AP3B2: variants seen among roughly 807,000 people sequenced by gnomAD.
AP3B2 encodes the protein AP-3 complex subunit beta-2.
AP3B2 carries 50 observed loss-of-function variants against 126.9 expected under a neutral mutation model. The observed-to-expected ratio is 0.39, with a 90% confidence interval of 0.31 to 0.50. AP3B2 has a LOEUF of 0.50. AP3B2 is among the 20% of genes least tolerant of loss of function. The probability of loss-of-function intolerance (pLI) is 0.79; values close to 1 mark genes in which losing one functional copy is unlikely to be tolerated. For missense variants in AP3B2, 1,177 were observed against 1,426.4 expected, an observed-to-expected ratio of 0.83 and a Z score of 2.82; for synonymous variants, 541 against 565.0, an observed-to-expected ratio of 0.96 and a Z score of 0.60.
At chr15:82,677,225 C>T (rs755029652) in intron 13 of AP3B2, 49 bp downstream of exon 13, 1 of 1,440,976 alleles carries the variant, frequency 6.9e-7, no homozygotes, top group East Asian at 2.3e-5. Context: ...GTCTTGAAAT[C>T]ATGGGGAGGA....
In AP3B2 at chr15:82,664,110, AG is replaced by A. The variant is rs1276221298; in HGVS notation, c.2262-136del. ...GGAGGGTTCACACCTGAGGTCCTAT[AG>A]CAGGGACCCCGTGAGAGCTTGAAGC... On this transcript the variant is annotated intron_variant, in intron 19 of 26. Coordinates refer to ENST00000535359, the MANE Select transcript of AP3B2 (RefSeq NM_001278512.2). The surrounding 1 kb of genome is among the most constrained non-coding windows in gnomAD (Gnocchi z 4.5). The A allele has an allele frequency of 6.4e-6, 9 of 1,405,538 alleles. No homozygotes were observed. In the Admixed American group the frequency reaches 2.4e-4, roughly 37 times the overall value. 87.1% of individuals were successfully genotyped at this position (1,405,538 alleles called of 1,614,324 possible).
chr15:82,703,140 A>G (rs2151461719), intron 1 of AP3B2, among the ~76,000 whole-genome samples: 1 of 152,182 alleles, frequency 6.6e-6, no homozygotes, highest in African/African-American at 2.4e-5. Flanking sequence ...GTGTTTAATC[A>G]CTGCGGGGAC....
Position 82,692,059 on chromosome 15 carries a change from G to A in AP3B2, c.114-2606C>T, listed in dbSNP as rs547939605. ...TCCTGAAACAAGAACTCGGAAATCAGATCTTCTTGCAGAAGGCCCATTCCT... is the reference window on the plus strand; with the variant it reads ...TCCTGAAACAAGAACTCGGAAATCAAATCTTCTTGCAGAAGGCCCATTCCT... On this transcript the variant is annotated intron_variant, in intron 1 of 26. Coordinates refer to ENST00000535359, the MANE Select transcript of AP3B2 (RefSeq NM_001278512.2). 9.4e-6 allele frequency: 14 copies of A among 1,489,598 alleles called. No individual in the cohort carries two copies. In the East Asian group the frequency reaches 2.7e-4, roughly 29 times the overall value. The allele number at this position is 1,489,598 out of a possible 1,614,324, so 92.3% of individuals were successfully genotyped here.
chr15:82,662,774 G>C lies in AP3B2; in HGVS notation c.2753C>G (p.Ser918Cys). The C allele has an allele frequency of 1.2e-6, 2 of 1,613,862 alleles. No individual in the cohort carries two copies. Among genetic ancestry groups the C allele is most frequent in the Non-Finnish European group, 1.7e-6 (2 of 1,179,830 alleles). ...VSVHIHFSNSSDTPIKGLHVG... is the reference protein window; with the variant it reads ...VSVHIHFSNSCDTPIKGLHVG... Reference sequence around the variant, plus strand: ...ATGCAGGCCCTTGATGGGGGTATCAGAGCTGTTGGAGAAGTGGATGTGCAC... The same window carrying C: ...ATGCAGGCCCTTGATGGGGGTATCACAGCTGTTGGAGAAGTGGATGTGCAC... Residue 918 changes from serine (S) to cysteine (C), a missense_variant, in exon 23 of 27, where the codon TCT becomes TGT. By Grantham distance (112) the Ser-to-Cys change is moderately radical (BLOSUM62 -1). This residue lies in a region of AP3B2 where 587 missense variants were observed against 571.3 expected (regional missense o/e 1.03). Coordinates refer to ENST00000535359, the MANE Select transcript of AP3B2 (RefSeq NM_001278512.2).
intron 20 of AP3B2, 37 bp downstream of exon 20, chr15:82,663,764 C>T (rs765439454): frequency 6.2e-6 from 10 of 1,601,892 alleles, no homozygotes; most frequent in Non-Finnish European, 8.5e-6. Flanking sequence ...GGGCCCTGGC[C>T]CATGAGCACA....
intron 1 of AP3B2, among the ~76,000 whole-genome samples, chr15:82,707,243 T>C (rs1479621758): frequency 6.6e-6 from 1 of 152,206 alleles, no homozygotes; most frequent in Admixed American, 6.5e-5. Context: ...CTAATGGTCT[T>C]TTAAAAACAC....
At chr15:82,686,177 T>C (rs2048423088) in intron 4 of AP3B2, 1 of 152,104 alleles carries the variant, frequency 6.6e-6, no homozygotes, top group South Asian at 2.1e-4. Context: ...TAAAATGAAA[T>C]AGAGTAGGGT....
intron 14 of AP3B2, 144 bp downstream of exon 14, chr15:82,676,317 T>C (rs1475225952): frequency 3.8e-6 from 3 of 799,950 alleles, no homozygotes; most frequent in Non-Finnish European, 3.9e-6. Context: ...GCATTGGTTA[T>C]GTGGGCAGAC....
chr15:82,693,993 G>A (rs1369398473), intron 1 of AP3B2, among the ~76,000 whole-genome samples: 1 of 150,618 alleles, frequency 6.6e-6, no homozygotes, highest in South Asian at 2.1e-4. Context: ...GAGCCACTGC[G>A]CCCAGGCCTT....
chr15:82,671,011 G>A (rs1179870745), intron 14 of AP3B2, among the ~76,000 whole-genome samples: 3 of 152,098 alleles, frequency 2.0e-5, no homozygotes, highest in South Asian at 4.1e-4. Flanking sequence ...GGCCAGGCAC[G>A]GGTGGCTCAT....
At chr15:82,696,569 C>T (rs994033354) in intron 1 of AP3B2, among the ~76,000 whole-genome samples, 1 of 152,252 alleles carries the variant, frequency 6.6e-6, no homozygotes, top group African/African-American at 2.4e-5. Flanking sequence ...CAGAGTGAGA[C>T]TCCATCTCAA....
At chr15:82,698,345 C>A (rs2048662456) in intron 1 of AP3B2, among the ~76,000 whole-genome samples, 1 of 151,864 alleles carries the variant, frequency 6.6e-6, no homozygotes, top group African/African-American at 2.4e-5. Flanking sequence ...CAGACATATA[C>A]CACCAGGAGA....
At chr15:82,682,611 G>C (rs945516768) in intron 4 of AP3B2, among the ~76,000 whole-genome samples, 4 of 151,940 alleles carry the variant, frequency 2.6e-5, no homozygotes, top group African/African-American at 9.7e-5. Context: ...AGCTGCTTGG[G>C]AAGCTGAAGT....
intron 1 of AP3B2, chr15:82,708,984 G>C (rs185712311): frequency 6.6e-6 from 1 of 152,410 alleles, no homozygotes; most frequent in African/African-American, 2.4e-5. Flanking sequence ...GCTTGTTGCA[G>C]AATTTACGAA....
intron 15 of AP3B2, 132 bp downstream of exon 15, chr15:82,666,615 A>C (rs995722414): frequency 1.0e-6 from 1 of 962,498 alleles, no homozygotes; most frequent in Non-Finnish European, 1.5e-6. Flanking sequence ...GGACAAAAGG[A>C]GTGAGCCAGG....
rs1338746691 is a variant in AP3B2, at chr15:82,665,607, C to T, written c.1853-32G>A. 1 of 1,550,068 alleles carries T rather than the reference C, an allele frequency of 6.5e-7. No homozygotes were observed. The highest frequency in any genetic ancestry group is 1.7e-5 in the Admixed American group (1 of 59,242). On this transcript the variant is annotated intron_variant, in intron 15 of 26. Transcript: ENST00000535359. The surrounding 1 kb of genome is among the most constrained non-coding windows in gnomAD (Gnocchi z 4.4). ...ATAGGTTTAGAGGTCAGGCAGGTAG[C>T]AGCAGTGAGGGAAAGCTCTGGGAGC...
chr15:82,690,878 G>C (rs1262271298), intron 1 of AP3B2, among the ~76,000 whole-genome samples: 1 of 139,710 alleles, frequency 7.2e-6, no homozygotes, highest in African/African-American at 2.6e-5. Flanking sequence ...GGATGGTCTC[G>C]ATCTCCTGAC....
Position 82,665,690 on chromosome 15 carries a change from G to A in AP3B2, c.1853-115C>T. 1.3e-6 allele frequency: 1 copy of A among 748,062 alleles called. No individual in the cohort carries two copies. Among genetic ancestry groups the A allele is most frequent in the East Asian group, 2.5e-5 (1 of 39,240 alleles). The allele number at this position is 748,062 out of a possible 1,614,324, so 46.3% of individuals were successfully genotyped here. On this transcript the variant is annotated intron_variant, in intron 15 of 26. Coordinates refer to ENST00000535359, the MANE Select transcript of AP3B2 (RefSeq NM_001278512.2). This position sits in a 1 kb window ranked among gnomAD's most constrained non-coding sequence, Gnocchi z 4.4. ...GTTGGGACTTCCCAGGTGGGTAGGG[G>A]AAGGAGATGGATGTGTGCCCTAATG... is the stretch of plus-strand genomic sequence containing the variant.
chr15:82,661,855 TGA>T lies in AP3B2; in HGVS notation c.2984_2985del (p.Phe995TyrfsTer3), dbSNP rs1448933866. 1.2e-6 allele frequency: 2 copies of T among 1,613,514 alleles called. No homozygotes were observed. Among genetic ancestry groups the T allele is most frequent in the Non-Finnish European group, 1.7e-6 (2 of 1,179,802 alleles). ...TCCTTCTTAAACTCATTTTCACTCA[TGA>T]ACACAGGGGCCATCAGCTCCCCAAC... ...PPVGELMAPVFMSENEFKKEQ... is the reference protein window; with the variant it reads ...PPVGELMAPVXMSENEFKKEQ... On this transcript the variant is annotated frameshift_variant, in exon 25 of 27. Transcript: ENST00000535359. LOFTEE classifies it high-confidence loss of function.
Sources: allele counts gnomAD v4.1 joint callset (sites outside exome capture counted in the v4.1 genomes callset), GRCh38; gene constraint gnomAD v4.1.1; regional missense constraint gnomAD v4.1.1; non-coding constraint Gnocchi (gnomAD v3.1); transcripts MANE v1.5; gene names NCBI Gene and HGNC (gene_info 2026-07-23, HGNC 2026-07-21).